Variants in RAB4A observed in about 807,000 individuals in gnomAD.
RAB4A encodes ras-related protein Rab-4A.
Under a neutral mutation model 34.5 loss-of-function variants are expected in RAB4A, and 20 were observed. The ratio of observed to expected loss-of-function variants is 0.58; its 90% CI spans 0.41 to 0.84. RAB4A has a LOEUF of 0.84. Among genes scored for constraint, RAB4A ranks in the 40% least tolerant of loss-of-function variants. The pLI is 0.00. For synonymous variants in RAB4A, 102 were observed against 100.0 expected (o/e 1.02, Z -0.12); for missense variants, 228 against 274.5 (o/e 0.83, Z 1.20).
intron 1 of RAB4A, among the ~76,000 whole-genome samples, chr1:229,284,098 T>G (rs1397417837): frequency 6.5e-5 from 9 of 138,396 alleles, no homozygotes; most frequent in African/African-American, 2.4e-4. Context: ...TGTTTGGTTT[T>G]TTTTTTTTTT....
Position 229,305,153 on chromosome 1 carries a change from T to A in RAB4A, c.*1360T>A, listed in dbSNP as rs145334843. 2 of 1,593,200 alleles carry A rather than the reference T, an allele frequency of 1.3e-6. No homozygotes were observed. The highest frequency in any genetic ancestry group is 1.7e-6 in the Non-Finnish European group (2 of 1,171,406). Reference sequence around the variant, plus strand: ...CTGGGAAATGACTAGGATAAAAATATCAGTATGTATCTGTTTTAGATATTT... The same window carrying A: ...CTGGGAAATGACTAGGATAAAAATAACAGTATGTATCTGTTTTAGATATTT... On this transcript the variant is annotated 3_prime_UTR_variant, in exon 8 of 8. Transcript: ENST00000366690.
intron 3 of RAB4A, among the ~76,000 whole-genome samples, chr1:229,290,239 G>A (rs1401364743): frequency 2.0e-5 from 3 of 152,092 alleles, no homozygotes; most frequent in South Asian, 2.1e-4. Flanking sequence ...AGTCTTTTAC[G>A]TTGAAATGGA....
At chr1:229,295,485 A>G (rs1401103179) in intron 3 of RAB4A, among the ~76,000 whole-genome samples, 1 of 152,106 alleles carries the variant, frequency 6.6e-6, no homozygotes, top group Non-Finnish European at 1.5e-5. Context: ...AAATTGTGCC[A>G]GGGAGTGGGG....
chr1:229,296,385 A>C (rs1323927502), intron 4 of RAB4A, among the ~76,000 whole-genome samples: 1 of 152,192 alleles, frequency 6.6e-6, no homozygotes, highest in Non-Finnish European at 1.5e-5. Context: ...TGGAGATAGT[A>C]ATAATCACAT....
At chr1:229,302,493 T>A (rs1657440851) in intron 6 of RAB4A, among the ~76,000 whole-genome samples, 1 of 149,514 alleles carries the variant, frequency 6.7e-6, no homozygotes, top group Non-Finnish European at 1.5e-5. Flanking sequence ...ATACTTGGAC[T>A]TTTGGCCCAT....
At chr1:229,288,615 G>C (rs1312689404) in intron 2 of RAB4A, 114 bp from the exon 3 acceptor site, 2 of 595,654 alleles carry the variant, frequency 3.4e-6, no homozygotes, top group Non-Finnish European at 5.9e-6. Flanking sequence ...TGAATGGCTA[G>C]AGTAATGTCC....
chr1:229,287,572 G>C (rs1656957032), intron 2 of RAB4A, among the ~76,000 whole-genome samples: 1 of 152,196 alleles, frequency 6.6e-6, no homozygotes, highest in Non-Finnish European at 1.5e-5. Context: ...CCTCCTCAGA[G>C]AACTCCCCTG....
intron 3 of RAB4A, among the ~76,000 whole-genome samples, chr1:229,290,353 C>T (rs1217653400): frequency 6.6e-6 from 1 of 152,208 alleles, no homozygotes; most frequent in South Asian, 2.1e-4. Flanking sequence ...CCCACCTCCC[C>T]TACCTCTTCC....
At chr1:229,303,102 G>T in intron 7 of RAB4A, 113 bp downstream of exon 7, 1 of 742,454 alleles carries the variant, frequency 1.3e-6, no homozygotes, top group Non-Finnish European at 2.2e-6. Context: ...CGGGTGCAGT[G>T]GCTCTAATTC....
chr1:229,280,247 G>T (rs926756442), intron 1 of RAB4A, among the ~76,000 whole-genome samples: 4 of 152,194 alleles, frequency 2.6e-5, no homozygotes, highest in African/African-American at 9.7e-5. Context: ...TGAACACTCT[G>T]AGAGAACATG....
chr1:229,293,630 G>A (rs1657155670), intron 3 of RAB4A, among the ~76,000 whole-genome samples: 1 of 152,204 alleles, frequency 6.6e-6, no homozygotes, highest in South Asian at 2.1e-4. Flanking sequence ...CCTCTGGTGA[G>A]TGAGACAGCA....
chr1:229,271,333 TC>T lies in RAB4A; in HGVS notation c.-4del. 7.7e-7 allele frequency: 1 copy of T among 1,304,864 alleles called. No individual in the cohort carries two copies. The highest frequency in any genetic ancestry group is 9.7e-7 in the Non-Finnish European group (1 of 1,028,158). The allele number at this position is 1,304,864 out of a possible 1,614,324, so 80.8% of individuals were successfully genotyped here. ...GTGACCCGGCGAGAGGCGGCGCCGCTCCCAAGATGTCGCAGACGGCCATGTC... is the reference window on the plus strand; with the variant it reads ...GTGACCCGGCGAGAGGCGGCGCCGCTCCAAGATGTCGCAGACGGCCATGTC... On this transcript the variant is annotated 5_prime_UTR_variant, in exon 1 of 8. Coordinates refer to ENST00000366690, the MANE Select transcript of RAB4A (RefSeq NM_004578.4).
At chr1:229,300,865 G>C (rs1468447063) in intron 6 of RAB4A, among the ~76,000 whole-genome samples, 7 of 152,148 alleles carry the variant, frequency 4.6e-5, no homozygotes, top group Non-Finnish European at 1.0e-4. Context: ...CCCTGGAGTT[G>C]GAGGATGAGC....
intron 1 of RAB4A, among the ~76,000 whole-genome samples, chr1:229,274,049 C>CTTTTTTT (rs11339660): frequency 4.6e-5 from 4 of 86,844 alleles, no homozygotes; most frequent in Non-Finnish European, 6.3e-5. Context: ...TTTTGTTTCC[C>CTTTTTTT]TTTTTTTTTT....
Position 229,271,348 on chromosome 1 carries a change from G to A in RAB4A, c.9G>A (p.Gln3=), listed in dbSNP as rs1656464413. 3 of 1,298,328 alleles carry A rather than the reference G, an allele frequency of 2.3e-6. No individual in the cohort carries two copies. The highest frequency in any genetic ancestry group is 2.4e-4 in the Middle Eastern group (1 of 4,194). The allele number at this position is 1,298,328 out of a possible 1,614,324, so 80.4% of individuals were successfully genotyped here. The change falls in exon 1 of 8, where the codon CAG becomes CAA. Residue 3 remains glutamine, a synonymous_variant. Transcript: ENST00000366690. MS[Q]TAMSETYDFL... Reference sequence around the variant, plus strand: ...GCGGCGCCGCTCCCAAGATGTCGCAGACGGCCATGTCCGAAACCTACGGTA... The same window carrying A: ...GCGGCGCCGCTCCCAAGATGTCGCAAACGGCCATGTCCGAAACCTACGGTA...
chr1:229,272,790 C>G (rs1571817999), intron 1 of RAB4A, among the ~76,000 whole-genome samples: 1 of 152,138 alleles, frequency 6.6e-6, no homozygotes, highest in South Asian at 2.1e-4. Context: ...GCTGGGGTCA[C>G]AGTGCATTTG....
At chr1:229,282,944 G>A (rs565593326) in intron 1 of RAB4A, among the ~76,000 whole-genome samples, 21 of 152,310 alleles carry the variant, frequency 1.4e-4, no homozygotes, top group African/African-American at 4.8e-4. Context: ...ATAGGAATAT[G>A]TCTGTTACCT....
At position 229,302,866 on chromosome 1, in the gene RAB4A, G is replaced by A. The variant is rs1227151419; in HGVS notation, c.546G>A (p.Glu182=). The change falls in exon 7 of 8, where the codon GAG becomes GAA. Residue 182 remains glutamate, a synonymous_variant. Coordinates refer to ENST00000366690, the MANE Select transcript of RAB4A (RefSeq NM_004578.4). ...GAAGACTTGCTTGGTCCTTAGGTGA[G>A]CTGGACCCAGAAAGAATGGGCTCAG... ...RKILNKIESG[E]LDPERMGSGI... is the part of the protein sequence containing the mutation. The A allele has an allele frequency of 6.2e-6, 10 of 1,611,490 alleles. No individual in the cohort carries two copies. The African/African-American group carries it at 1.1e-4, about 17-fold the overall frequency.
intron 4 of RAB4A, among the ~76,000 whole-genome samples, chr1:229,296,613 G>A (rs1045921707): frequency 2.0e-5 from 3 of 152,198 alleles, no homozygotes; most frequent in Admixed American, 2.0e-4. Context: ...CAGCAGTGCT[G>A]ATCTCAGTAG....
Sources: allele counts gnomAD v4.1 joint callset (sites outside exome capture counted in the v4.1 genomes callset), GRCh38; gene constraint gnomAD v4.1.1; transcripts MANE v1.5; gene names NCBI Gene and HGNC (gene_info 2026-07-23, HGNC 2026-07-21).